LOC128462377: variants seen among roughly 807,000 people sequenced by gnomAD.
the LOC128462377 span, among the ~76,000 whole-genome samples, chr16:89,357,439 C>G: frequency 6.6e-6 from 1 of 151,698 alleles, no homozygotes; most frequent in Non-Finnish European, 1.5e-5. Flanking sequence ...AATGGTGCAA[C>G]TGCCAAAAAA....
the LOC128462377 span, among the ~76,000 whole-genome samples, chr16:89,318,415 A>G: frequency 6.6e-6 from 1 of 152,230 alleles, no homozygotes; most frequent in Non-Finnish European, 1.5e-5. Flanking sequence ...ATACAAATGG[A>G]ACTGTGTGCA....
chr16:89,405,284 G>C, the LOC128462377 span, among the ~76,000 whole-genome samples: 2 of 152,166 alleles, frequency 1.3e-5, no homozygotes, highest in Non-Finnish European at 2.9e-5. Context: ...GGGCATGACT[G>C]TATTCTGTAG....
At chr16:89,343,597 C>G in the LOC128462377 span, 1 of 152,224 alleles carries the variant, frequency 6.6e-6, no homozygotes, top group South Asian at 2.1e-4. Context: ...CAGAATTCAC[C>G]TCGTTCAGAA....
the LOC128462377 span, among the ~76,000 whole-genome samples, chr16:89,346,750 T>G: frequency 2.6e-5 from 4 of 152,132 alleles, no homozygotes; most frequent in African/African-American, 9.7e-5. Context: ...TAGAGGGAAA[T>G]GTATTTATAT....
At chr16:89,352,322 GGGAA>G in the LOC128462377 span, among the ~76,000 whole-genome samples, 2 of 151,954 alleles carry the variant, frequency 1.3e-5, no homozygotes, top group African/African-American at 4.8e-5. Flanking sequence ...AGAGCCCTGG[GGGAA>G]GGCAAGTCAA....
chr16:89,350,778 C>A, the LOC128462377 span, among the ~76,000 whole-genome samples: 1 of 152,162 alleles, frequency 6.6e-6, no homozygotes, highest in Non-Finnish European at 1.5e-5. Context: ...TAGTCATGAG[C>A]AACATGATGC....
chr16:89,338,549 T>A, the LOC128462377 span, among the ~76,000 whole-genome samples: 1 of 151,248 alleles, frequency 6.6e-6, no homozygotes, highest in East Asian at 1.9e-4. Context: ...GCCAACATGA[T>A]GACTGTCTCT....
At chr16:89,388,256 G>A in the LOC128462377 span, among the ~76,000 whole-genome samples, 1 of 150,730 alleles carries the variant, frequency 6.6e-6, no homozygotes, top group Non-Finnish European at 1.5e-5. Context: ...GGGCCCACGC[G>A]GGTGGTGCCG....
At chr16:89,364,214 C>T in the LOC128462377 span, among the ~76,000 whole-genome samples, 1 of 152,232 alleles carries the variant, frequency 6.6e-6, no homozygotes, top group Non-Finnish European at 1.5e-5. Context: ...TGCCCTCAGG[C>T]AACATGTGGG....
At chr16:89,392,041 G>A in the LOC128462377 span, among the ~76,000 whole-genome samples, 2 of 151,998 alleles carry the variant, frequency 1.3e-5, no homozygotes, top group Non-Finnish European at 2.9e-5. Context: ...GTTCTCCTCT[G>A]CCTTTGCCTC....
chr16:89,323,362 C>G, the LOC128462377 span: 3 of 1,287,142 alleles, frequency 2.3e-6, no homozygotes, highest in Non-Finnish European at 3.0e-6. Flanking sequence ...ACTGGCCTCT[C>G]ACCTCTCACC....
chr16:89,329,922 A>T, the LOC128462377 span, among the ~76,000 whole-genome samples: 1 of 152,062 alleles, frequency 6.6e-6, no homozygotes, highest in Non-Finnish European at 1.5e-5. Flanking sequence ...ACTGGGAGGC[A>T]GAGGCTGCCG....
chr16:89,324,340 C>T, the LOC128462377 span: 1 of 1,165,542 alleles, frequency 8.6e-7, no homozygotes, highest in Non-Finnish European at 1.1e-6. Flanking sequence ...GACGTGGGTG[C>T]CTCACAGAAG....
chr16:89,319,337 A>C, the LOC128462377 span, among the ~76,000 whole-genome samples: 622 of 152,202 alleles, frequency 4.1e-3, 6 homozygotes, highest in African/African-American at 0.015. Flanking sequence ...CACCTTCCCC[A>C]ATGGACCAGG....
At chr16:89,317,612 T>C in the LOC128462377 span, among the ~76,000 whole-genome samples, 1 of 152,114 alleles carries the variant, frequency 6.6e-6, no homozygotes, top group Admixed American at 6.5e-5. Context: ...CCTAACTTGG[T>C]AGGCAAGGGG....
the LOC128462377 span, among the ~76,000 whole-genome samples, chr16:89,400,009 C>G: frequency 6.7e-6 from 1 of 150,016 alleles, no homozygotes; most frequent in Admixed American, 6.6e-5. Flanking sequence ...ATCTGCTGCC[C>G]CAGGCTTCCC....
chr16:89,351,587 TTCTC>T, the LOC128462377 span, among the ~76,000 whole-genome samples: 1 of 152,228 alleles, frequency 6.6e-6, no homozygotes, highest in South Asian at 2.1e-4. Context: ...GAGACGAAGC[TTCTC>T]TCTGTGTTTG....
At chr16:89,328,565 G>C in the LOC128462377 span, among the ~76,000 whole-genome samples, 1 of 150,664 alleles carries the variant, frequency 6.6e-6, no homozygotes, top group African/African-American at 2.5e-5. Context: ...GGCCCCTGCT[G>C]AGTGAGTGGA....
the LOC128462377 span, among the ~76,000 whole-genome samples, chr16:89,399,793 T>C: frequency 1.2e-5 from 1 of 83,598 alleles, no homozygotes; most frequent in East Asian, 3.6e-4. Context: ...AAAGCTAATA[T>C]AAAAAATAAA....
Sources: gnomAD v4.1 joint callset for allele counts (sites outside exome capture counted in the v4.1 genomes callset) on GRCh38, gnomAD v4.1.1 for gene constraint, MANE v1.5 for transcripts.